The following PHACTR3 variants were observed in gnomAD, a reference collection of about 807,000 sequenced individuals.
The protein encoded by PHACTR3 is protein phosphatase 1, regulatory subunit 123.
PHACTR3 carries 16 observed loss-of-function variants against 66.8 expected under a neutral mutation model. The observed-to-expected ratio is 0.24, with a 90% CI of 0.16 to 0.36. The LOEUF (loss-of-function observed/expected upper bound fraction) is 0.36, where lower values mean the gene tolerates loss of function less well. Ranked by LOEUF, PHACTR3 falls within the 10% of genes least tolerant of loss-of-function variation. The probability of loss-of-function intolerance (pLI) is 1.00; values close to 1 mark genes in which losing one functional copy is unlikely to be tolerated. For synonymous variants in PHACTR3, 323 were observed against 292.1 expected, an observed-to-expected ratio of 1.11 and a Z score of -1.08; for missense variants, 647 against 719.9, an observed-to-expected ratio of 0.90 and a Z score of 1.16.
intron 4 of PHACTR3, among the ~76,000 whole-genome samples, 180 bp downstream of exon 4, chr20:59,755,544 G>A (rs1205055022): frequency 6.6e-6 from 1 of 152,186 alleles, no homozygotes; most frequent in Non-Finnish European, 1.5e-5. Flanking sequence ...GTTTGCTGGG[G>A]CACTTTTCTC....
At chr20:59,782,443 A>T (rs1218177152) in intron 7 of PHACTR3, among the ~76,000 whole-genome samples, 1 of 152,034 alleles carries the variant, frequency 6.6e-6, no homozygotes, top group Non-Finnish European at 1.5e-5. Context: ...GTAGAGGCAG[A>T]GTTTCACCAT....
intron 1 of PHACTR3, among the ~76,000 whole-genome samples, chr20:59,674,811 T>TCCTGTTCCCCCTTCA (rs2036377555): frequency 1.7e-5 from 1 of 57,738 alleles, no homozygotes; most frequent in African/African-American, 1.0e-4. Context: ...TCCCACCTTC[T>TCCTGTTCCCCCTTCA]CCTGTCCCCC....
chr20:59,815,948 A>G (rs1487318816), intron 8 of PHACTR3, among the ~76,000 whole-genome samples: 3 of 152,264 alleles, frequency 2.0e-5, no homozygotes, highest in South Asian at 2.1e-4. Context: ...CATGGAAGAC[A>G]GTTTTTCCAT....
chr20:59,843,644 A>G (rs2059102818), intron 11 of PHACTR3: 1 of 152,146 alleles, frequency 6.6e-6, no homozygotes, highest in Non-Finnish European at 1.5e-5. Context: ...CAAAAGAATG[A>G]AACTGTACCC....
At chr20:59,667,952 G>A (rs548498324) in intron 1 of PHACTR3, among the ~76,000 whole-genome samples, 1 of 152,366 alleles carries the variant, frequency 6.6e-6, no homozygotes, top group Non-Finnish European at 1.5e-5. Flanking sequence ...TGCTAGGAAA[G>A]TCGCTGTCCT....
At chr20:59,838,695 G>A (rs1215073005) in intron 9 of PHACTR3, among the ~76,000 whole-genome samples, 1 of 152,200 alleles carries the variant, frequency 6.6e-6, no homozygotes, top group Admixed American at 6.5e-5. Context: ...TGCATCAGAA[G>A]CAGTAATACA....
At chr20:59,822,833 G>C (rs950739509) in intron 8 of PHACTR3, among the ~76,000 whole-genome samples, 4 of 152,346 alleles carry the variant, frequency 2.6e-5, no homozygotes, top group East Asian at 3.9e-4. Context: ...ACAGCCGCCA[G>C]GGCAGGTGAA....
chr20:59,791,475 A>G (rs1459855393), intron 7 of PHACTR3, among the ~76,000 whole-genome samples: 2 of 152,330 alleles, frequency 1.3e-5, no homozygotes, highest in South Asian at 2.1e-4. Context: ...GGGACTCCCC[A>G]TTGGGAAGCA....
chr20:59,793,758 C>CTT (rs562172754), intron 7 of PHACTR3, among the ~76,000 whole-genome samples: 1 of 147,092 alleles, frequency 6.8e-6, no homozygotes. Context: ...ATTTGGATGC[C>CTT]TTTTTTTTTT....
At chr20:59,804,864 C>G (rs559114808) in intron 7 of PHACTR3, among the ~76,000 whole-genome samples, 1 of 152,322 alleles carries the variant, frequency 6.6e-6, no homozygotes, top group South Asian at 2.1e-4. Flanking sequence ...CGCCTCCACA[C>G]TAGGAGTTGA....
chr20:59,698,432 A>T (rs900189053), intron 1 of PHACTR3, among the ~76,000 whole-genome samples: 4 of 142,870 alleles, frequency 2.8e-5, no homozygotes, highest in South Asian at 2.2e-4. Context: ...GTTGAATGAT[A>T]AAAAAAAAAG....
At chr20:59,743,309 A>G in intron 2 of PHACTR3, 41 bp downstream of exon 2, 1 of 1,608,046 alleles carries the variant, frequency 6.2e-7, no homozygotes, top group Non-Finnish European at 8.5e-7. Context: ...TGTGGCTGGG[A>G]CCAGCGTCCT....
Position 59,829,719 on chromosome 20 carries a change from G to GC in PHACTR3, c.1329-6785dup, listed in dbSNP as rs1347154224. Among the ~76,000 whole-genome samples, 7 of 152,250 alleles carry GC rather than the reference G, an allele frequency of 4.6e-5. No individual in the cohort carries two copies. Among genetic ancestry groups the GC allele is most frequent in the African/African-American group, 1.4e-4 (6 of 41,464 alleles). ...AAAGGAGCCTCCCAAAATAGCCCGGGCGTCCCCTGTGGGTGTCGAGCTGTC... is the reference window on the plus strand; with the variant it reads ...AAAGGAGCCTCCCAAAATAGCCCGGGCCGTCCCCTGTGGGTGTCGAGCTGTC... On this transcript the variant is annotated intron_variant, in intron 8 of 12. Coordinates refer to ENST00000371015, the MANE Select transcript of PHACTR3 (RefSeq NM_080672.5). This position sits in a 1 kb window ranked among gnomAD's most constrained non-coding sequence, Gnocchi z 4.2.
chr20:59,582,934 T>C (rs573273388), intron 1 of PHACTR3, among the ~76,000 whole-genome samples: 12 of 152,276 alleles, frequency 7.9e-5, no homozygotes, highest in African/African-American at 2.6e-4. Flanking sequence ...ATCCAGCTTT[T>C]TTTTTGTTTT....
chr20:59,665,385 G>A (rs1032092548), intron 1 of PHACTR3, among the ~76,000 whole-genome samples: 11 of 152,234 alleles, frequency 7.2e-5, no homozygotes, highest in African/African-American at 2.7e-4. Context: ...ACTCAAAGGT[G>A]TTTGATTTCA....
At chr20:59,839,096 G>C (rs148443454) in intron 9 of PHACTR3, among the ~76,000 whole-genome samples, 79 of 151,894 alleles carry the variant, frequency 5.2e-4, no homozygotes, top group African/African-American at 1.9e-3. Flanking sequence ...GCTGCACTTG[G>C]GAGCTGCCCA....
intron 1 of PHACTR3, among the ~76,000 whole-genome samples, chr20:59,720,497 C>T (rs1005001001): frequency 1.3e-5 from 2 of 152,134 alleles, no homozygotes; most frequent in Non-Finnish European, 2.9e-5. Flanking sequence ...GTGCTGATGG[C>T]ACCTACTAAG....
At chr20:59,743,616 A>G (rs1438610714) in intron 2 of PHACTR3, among the ~76,000 whole-genome samples, 2 of 152,200 alleles carry the variant, frequency 1.3e-5, no homozygotes, top group Admixed American at 6.5e-5. Flanking sequence ...GCAAGGTCTC[A>G]CTTGCTGGCT....
chr20:59,810,941 A>T (rs1239855224), intron 8 of PHACTR3, among the ~76,000 whole-genome samples: 2 of 152,230 alleles, frequency 1.3e-5, no homozygotes, highest in Non-Finnish European at 2.9e-5. Flanking sequence ...TCCTGTCTAC[A>T]GCCACCATCT....
Sources: allele counts gnomAD v4.1 joint callset (sites outside exome capture counted in the v4.1 genomes callset), GRCh38; gene constraint gnomAD v4.1.1; non-coding constraint Gnocchi (gnomAD v3.1); transcripts MANE v1.5; gene names NCBI Gene and HGNC (gene_info 2026-07-23, HGNC 2026-07-21).